The following MICAL3 variants were observed in gnomAD, a reference collection of about 807,000 sequenced individuals.
MICAL3 encodes the protein microtubule associated monooxygenase, calponin and LIM domain containing 3, also known as [F-actin]-monooxygenase MICAL3.
Under a neutral mutation model 207.4 loss-of-function variants are expected in MICAL3, and 62 were observed. The ratio of observed to expected loss-of-function variants is 0.30; its 90% CI spans 0.24 to 0.37. The LOEUF is 0.37. Ranked by LOEUF, MICAL3 falls within the 10% of genes least tolerant of loss-of-function variation. The probability of loss-of-function intolerance (pLI) is 1.00; values close to 1 mark genes in which losing one functional copy is unlikely to be tolerated. For synonymous variants in MICAL3, 1,077 were observed against 1,069.3 expected (o/e 1.01, Z -0.14); for missense variants, 2,368 against 2,635.6 (o/e 0.90, Z 2.22).
chr22:17,907,939 C>T (rs948996323), intron 1 of MICAL3, among the ~76,000 whole-genome samples: 1 of 152,184 alleles, frequency 6.6e-6, no homozygotes, highest in African/African-American at 2.4e-5. Context: ...ATGCCTTCCA[C>T]CTATGGAAAT....
At position 17,844,755 on chromosome 22, in the gene MICAL3, C is replaced by A. The variant is rs141769796; in HGVS notation, c.2606-2738G>T. On this transcript the variant is annotated intron_variant, in intron 19 of 31. Transcript: ENST00000441493. ...TCATGCTCCATTCTTCAACACCGAG[C>A]TCAGGGCACAAAAAGAATATGCTAT... 9.2e-5 allele frequency among the ~76,000 whole-genome samples: 14 copies of A among 152,298 alleles called. No homozygotes were observed. The East Asian group carries it at 2.3e-3, about 25-fold the overall frequency.
At chr22:17,924,505 AT>A (rs1173426916) in intron 1 of MICAL3, among the ~76,000 whole-genome samples, 1 of 152,188 alleles carries the variant, frequency 6.6e-6, no homozygotes, top group African/African-American at 2.4e-5. Flanking sequence ...CAAAATCTCA[AT>A]GTTTTTGAGC....
At chr22:17,975,783 G>A (rs1935603448) in intron 1 of MICAL3, among the ~76,000 whole-genome samples, 1 of 152,104 alleles carries the variant, frequency 6.6e-6, no homozygotes, top group Non-Finnish European at 1.5e-5. Context: ...TGGGACACAG[G>A]ATTTGCTATT....
At chr22:17,979,746 A>C (rs1017550790) in intron 1 of MICAL3, among the ~76,000 whole-genome samples, 2 of 151,360 alleles carry the variant, frequency 1.3e-5, no homozygotes, top group Non-Finnish European at 2.9e-5. Context: ...TCTCAACTGG[A>C]GTGCTGCTAT....
chr22:17,970,830 A>T (rs922270604), intron 1 of MICAL3, among the ~76,000 whole-genome samples: 1 of 151,948 alleles, frequency 6.6e-6, no homozygotes, highest in Non-Finnish European at 1.5e-5. Context: ...CCTTGATTTC[A>T]GCACCCCACC....
chr22:18,002,204 G>GA (rs1923080028), intron 1 of MICAL3, among the ~76,000 whole-genome samples: 1 of 151,364 alleles, frequency 6.6e-6, no homozygotes, highest in South Asian at 2.1e-4. Context: ...TCTAAAGAAA[G>GA]AAAAAATAAT....
At chr22:17,888,542 T>C (rs1413929936) in intron 13 of MICAL3, among the ~76,000 whole-genome samples, 5 of 152,138 alleles carry the variant, frequency 3.3e-5, no homozygotes, top group Non-Finnish European at 7.3e-5. Context: ...AGGGACATCG[T>C]TCTCCGGTGC....
At chr22:17,929,255 C>T (rs141689744) in intron 1 of MICAL3, among the ~76,000 whole-genome samples, 3,094 of 141,356 alleles carry the variant, frequency 0.022, 115 homozygotes, top group African/African-American at 0.079. Context: ...TGCACCACCA[C>T]GCCTGGCTAA....
At chr22:17,901,088 G>A in intron 5 of MICAL3, 91 bp from the exon 6 acceptor site, 2 of 1,245,006 alleles carry the variant, frequency 1.6e-6, no homozygotes, top group South Asian at 1.3e-5. Flanking sequence ...AAAGACAACA[G>A]GGAAAGTCAG....
At chr22:17,839,257 C>CTTTTT (rs1569088578) in intron 20 of MICAL3, among the ~76,000 whole-genome samples, 1 of 88,052 alleles carries the variant, frequency 1.1e-5, no homozygotes, top group African/African-American at 7.0e-5. Flanking sequence ...CCGGGCTCTT[C>CTTTTT]ATTTTTTTTT....
At chr22:17,998,577 A>G (rs1922582198) in intron 1 of MICAL3, among the ~76,000 whole-genome samples, 1 of 148,556 alleles carries the variant, frequency 6.7e-6, no homozygotes, top group Non-Finnish European at 1.5e-5. Context: ...TTTTTTTGAG[A>G]TGAAGTCTCG....
At chr22:17,991,023 C>G (rs1451557286) in intron 1 of MICAL3, among the ~76,000 whole-genome samples, 1 of 152,236 alleles carries the variant, frequency 6.6e-6, no homozygotes, top group Non-Finnish European at 1.5e-5. Context: ...AGCAACTGCA[C>G]ACGGAGCTGA....
intron 1 of MICAL3, among the ~76,000 whole-genome samples, chr22:17,984,183 C>T (rs993351521): frequency 2.6e-5 from 4 of 152,160 alleles, no homozygotes; most frequent in African/African-American, 9.7e-5. Context: ...ACTCTCAACA[C>T]CTAGACTCAG....
At position 17,902,556 on chromosome 22, in the gene MICAL3, T is replaced by G; in HGVS notation, c.589+75A>C. On this transcript the variant is annotated intron_variant, in intron 4 of 31. Coordinates refer to ENST00000441493, the MANE Select transcript of MICAL3 (RefSeq NM_015241.3). The surrounding 1 kb of genome is among the most constrained non-coding windows in gnomAD (Gnocchi z 4.5). ...GGAAGCAGCCCTCAGGAGCCTTTGG[T>G]TTGCTCCCTCAATCTCATCTTCCTC... 1.1e-6 allele frequency: 1 copy of G among 900,368 alleles called. No individual in the cohort carries two copies. Among genetic ancestry groups the G allele is most frequent in the Non-Finnish European group, 1.7e-6 (1 of 573,588 alleles). 55.8% of individuals were successfully genotyped at this position (900,368 alleles called of 1,614,324 possible). A position where few individuals can be genotyped will look rare whatever the true frequency, so the allele number is the denominator to read the frequency against.
Position 17,887,376 on chromosome 22 carries a change from T to C in MICAL3, c.1951A>G (p.Ile651Val), listed in dbSNP as rs1221666054. The change falls in exon 14 of 32, where the codon ATC becomes GTC. Residue 651 changes from isoleucine (I) to valine (V), a missense_variant. Ile to Val is a conservative substitution (Grantham distance 29). Around this residue, in one of 4 missense-constraint regions of MICAL3, gnomAD observed 1,770 missense variants for 1,863.2 expected, o/e 0.95. Coordinates refer to ENST00000441493, the MANE Select transcript of MICAL3 (RefSeq NM_015241.3). ...TGGCCAAGTTTGCTTAGGAAGGAGA[T>C]AGGGGATCTGGTGCTGGCTATCAGG... ...AVLIASTRSP[I>V]SFLSKLGQTI... is the part of the protein sequence containing the mutation. The C allele has an allele frequency of 6.2e-6, 10 of 1,613,970 alleles. No individual in the cohort carries two copies. The highest frequency in any genetic ancestry group is 7.6e-6 in the Non-Finnish European group (9 of 1,179,870).
intron 20 of MICAL3, among the ~76,000 whole-genome samples, chr22:17,832,694 G>C (rs1922934215): frequency 1.3e-5 from 2 of 152,112 alleles, no homozygotes; most frequent in Non-Finnish European, 2.9e-5. Context: ...ACTCAATTCT[G>C]TGTGACTGCG....
intron 16 of MICAL3, among the ~76,000 whole-genome samples, chr22:17,883,723 A>C (rs1191210773): frequency 3.3e-5 from 5 of 152,246 alleles, no homozygotes; most frequent in African/African-American, 1.2e-4. Context: ...CCAAGGTTTT[A>C]GTGAAAATTT....
chr22:17,912,079 A>C lies in MICAL3; in HGVS notation c.-74-5193T>G, dbSNP rs147248002. Among the ~76,000 whole-genome samples the C allele has an allele frequency of 2.6e-4, 39 of 152,118 alleles. No individual in the cohort carries two copies. In the East Asian group the frequency reaches 7.2e-3, roughly 28 times the overall value. ...AGCAGGAGGATTATTTGATCCTCCC[A>C]GGAGCTAGACTCCAGCCTGGGCAAC... On this transcript the variant is annotated intron_variant, in intron 1 of 31. Transcript: ENST00000441493.
intron 19 of MICAL3, among the ~76,000 whole-genome samples, chr22:17,843,154 C>T (rs1479864976): frequency 6.7e-6 from 1 of 150,096 alleles, no homozygotes; most frequent in Non-Finnish European, 1.5e-5. Context: ...TCCCATCACT[C>T]CTCCTCCACT....
Sources: allele counts gnomAD v4.1 joint callset (sites outside exome capture counted in the v4.1 genomes callset), GRCh38; gene constraint gnomAD v4.1.1; regional missense constraint gnomAD v4.1.1; non-coding constraint Gnocchi (gnomAD v3.1); transcripts MANE v1.5; gene names NCBI Gene and HGNC (gene_info 2026-07-23, HGNC 2026-07-21).